The following RGSL1 variants were observed in gnomAD, a reference collection of about 807,000 sequenced individuals.
RGSL1 encodes the protein regulator of G protein signaling like 1.
RGSL1 carries 97 observed loss-of-function variants against 124.7 expected under a neutral mutation model. The ratio of observed to expected loss-of-function variants is 0.78; its 90% CI spans 0.66 to 0.92. RGSL1 has a LOEUF of 0.92. Among genes scored for constraint, RGSL1 ranks in the 40% least tolerant of loss-of-function variants. The probability of loss-of-function intolerance (pLI) is 0.00; values close to 1 mark genes in which losing one functional copy is unlikely to be tolerated. For missense variants in RGSL1, 1,233 were observed against 1,288.4 expected (o/e 0.96, Z 0.66); for synonymous variants, 424 against 438.1 (o/e 0.97, Z 0.40).
intron 17 of RGSL1, 26 bp from the exon 18 acceptor site, chr1:182,551,074 A>T (rs1475477062): frequency 6.6e-7 from 1 of 1,512,134 alleles, no homozygotes; most frequent in Non-Finnish European, 9.0e-7. Flanking sequence ...GTTCCCTCCT[A>T]TGACCAGAAG....
intron 6 of RGSL1, among the ~76,000 whole-genome samples, chr1:182,477,509 A>T (rs182440361): frequency 4.1e-4 from 63 of 152,272 alleles, no homozygotes; most frequent in African/African-American, 1.5e-3. Flanking sequence ...CCCAGTCCTG[A>T]TGACAGACTC....
At position 182,553,326 on chromosome 1, in the gene RGSL1, A is replaced by G. The variant is rs374350290; in HGVS notation, c.3044-129A>G. On this transcript the variant is annotated intron_variant, in intron 18 of 21. Transcript: ENST00000294854. Reference sequence around the variant, plus strand: ...CTCACATGCAAAGATTTAGATTTAGATAATGTTTTATCATTAACATTTTGT... The same window carrying G: ...CTCACATGCAAAGATTTAGATTTAGGTAATGTTTTATCATTAACATTTTGT... 1.9e-5 allele frequency: 13 copies of G among 685,632 alleles called. No individual in the cohort carries two copies. In the South Asian group the frequency reaches 2.5e-4, roughly 13 times the overall value. 42.5% of individuals were successfully genotyped at this position (685,632 alleles called of 1,614,324 possible). A position where few individuals can be genotyped will look rare whatever the true frequency, so the allele number is the denominator to read the frequency against.
rs367680286 is a variant in RGSL1, at chr1:182,548,813, C to T, written c.2922C>T (p.Tyr974=). The T allele has an allele frequency of 5.2e-4, 804 of 1,551,464 alleles. 2 individuals are homozygous for T. The highest frequency in any genetic ancestry group is 6.8e-4 in the Non-Finnish European group (785 of 1,146,960). The change falls in exon 17 of 22, where the codon TAC becomes TAT. Residue 974 remains tyrosine (Y), a synonymous_variant. Coordinates refer to ENST00000294854, the MANE Select transcript of RGSL1 (RefSeq NM_001137669.2). ...TGTCTGTCTTCCCCGTTGTTATGTA[C>T]TTCTGGAAAAGGTAACTGTTTCTCC... The part of the protein sequence containing the change: ...AIMSVFPVVM[Y]FWKRFCFWKA...
chr1:182,459,979 TG>T (rs950975793), intron 3 of RGSL1, 24 bp from the exon 4 acceptor site: 144 of 1,544,648 alleles, frequency 9.3e-5, no homozygotes, highest in Non-Finnish European at 1.2e-4. Context: ...TTAGCATTTT[TG>T]TTTCTATTTT....
chr1:182,550,990 G>A, intron 17 of RGSL1, 110 bp from the exon 18 acceptor site: 1 of 703,212 alleles, frequency 1.4e-6, no homozygotes, highest in South Asian at 1.7e-5. Flanking sequence ...TTCTCTGTTG[G>A]ACACCCACAT....
At chr1:182,453,546 G>A (rs1461244248) in intron 1 of RGSL1, 1 of 156,908 alleles carries the variant, frequency 6.4e-6, no homozygotes, top group African/African-American at 2.4e-5. Context: ...CTAGCCAGTG[G>A]GGTTGGAGGT....
chr1:182,531,026 A>AG, intron 13 of RGSL1, 116 bp downstream of exon 13: 7 of 1,221,338 alleles, frequency 5.7e-6, no homozygotes, highest in African/African-American at 1.6e-5. Flanking sequence ...ATAAATTACT[A>AG]TACTAGGAAT....
At chr1:182,535,361 G>A (rs549433201) in intron 14 of RGSL1, among the ~76,000 whole-genome samples, 1 of 152,156 alleles carries the variant, frequency 6.6e-6, no homozygotes, top group Admixed American at 6.5e-5. Flanking sequence ...ATTTTCTTAA[G>A]CCAGAGTGTG....
rs546809517 is a variant in RGSL1 at position 182,470,178 on chromosome 1, T to C, written c.302-2218T>C. 5.9e-5 allele frequency among the ~76,000 whole-genome samples: 9 copies of C among 152,238 alleles called. No individual in the cohort carries two copies. In the East Asian group the frequency reaches 1.5e-3, roughly 26 times the overall value. The stretch of plus-strand genomic sequence containing the variant: ...ATGGTAAACGTTATGTTATATGTAC[T>C]CTCCCACAATAAAAATATTGGAAAA... On this transcript the variant is annotated intron_variant, in intron 4 of 21. Coordinates refer to ENST00000294854, the MANE Select transcript of RGSL1 (RefSeq NM_001137669.2).
chr1:182,481,241 A>G (rs10911083), intron 6 of RGSL1, among the ~76,000 whole-genome samples: 24,735 of 152,162 alleles, frequency 0.16, 2,467 homozygotes, highest in Admixed American at 0.26. Flanking sequence ...TCAAATAAAT[A>G]AAATTATAAA....
intron 14 of RGSL1, among the ~76,000 whole-genome samples, chr1:182,533,541 A>G (rs1360106789): frequency 6.6e-6 from 1 of 152,194 alleles, no homozygotes; most frequent in Non-Finnish European, 1.5e-5. Context: ...GCCCTGTGGC[A>G]CCTACAGATT....
chr1:182,523,994 C>A (rs1290903579), intron 10 of RGSL1, among the ~76,000 whole-genome samples: 1 of 152,060 alleles, frequency 6.6e-6, no homozygotes, highest in Non-Finnish European at 1.5e-5. Context: ...TAGGGATAAA[C>A]CCTACTCAAA....
At chr1:182,539,151 C>A (rs545446342) in intron 14 of RGSL1, among the ~76,000 whole-genome samples, 1 of 152,238 alleles carries the variant, frequency 6.6e-6, no homozygotes, top group South Asian at 2.1e-4. Flanking sequence ...CAAATTAGGT[C>A]TCCCCCTCTA....
intron 9 of RGSL1, among the ~76,000 whole-genome samples, chr1:182,502,748 T>G (rs1335966495): frequency 6.6e-6 from 1 of 152,236 alleles, no homozygotes. Context: ...GTTTTTATTT[T>G]CCTTTAGCTG....
intron 1 of RGSL1, among the ~76,000 whole-genome samples, chr1:182,451,765 G>A (rs988669697): frequency 6.7e-6 from 1 of 149,390 alleles, no homozygotes; most frequent in South Asian, 2.2e-4. Flanking sequence ...TATGGTGGCA[G>A]TACGTGTAGG....
At chr1:182,483,756 C>T (rs1294637973) in intron 6 of RGSL1, among the ~76,000 whole-genome samples, 2 of 151,996 alleles carry the variant, frequency 1.3e-5, no homozygotes, top group African/African-American at 2.4e-5. Flanking sequence ...TTGGGGTGCA[C>T]GTTCACTTTA....
chr1:182,504,989 T>G (rs749162683), intron 9 of RGSL1, among the ~76,000 whole-genome samples: 5 of 152,184 alleles, frequency 3.3e-5, no homozygotes, highest in Admixed American at 6.5e-5. Flanking sequence ...GTATATGGAC[T>G]TCCTGATTCT....
chr1:182,494,194 G>A (rs1486987578), intron 9 of RGSL1, among the ~76,000 whole-genome samples: 1 of 152,202 alleles, frequency 6.6e-6, no homozygotes, highest in African/African-American at 2.4e-5. Flanking sequence ...AGAGTGGCAA[G>A]TGAATTGTCC....
In RGSL1 at chr1:182,548,696, G is replaced by A. The variant is rs1400822496; in HGVS notation, c.2809-4G>A. ...CCAGTGACAGGCTCCCACTCTGTGG[G>A]TAGGTGAATGTCCCTGAGTTCCAGA... On this transcript the variant is annotated splice_polypyrimidine_tract_variant and splice_region_variant and intron_variant, in intron 16 of 21. Coordinates refer to ENST00000294854, the MANE Select transcript of RGSL1 (RefSeq NM_001137669.2). 14 of 1,551,458 alleles carry A rather than the reference G, an allele frequency of 9.0e-6. No individual in the cohort carries two copies. Among genetic ancestry groups the A allele is most frequent in the Non-Finnish European group, 1.1e-5 (13 of 1,146,948 alleles).
Sources: gnomAD v4.1 joint callset for allele counts (sites outside exome capture counted in the v4.1 genomes callset) on GRCh38, gnomAD v4.1.1 for gene constraint, MANE v1.5 for transcripts, NCBI Gene and HGNC (gene_info 2026-07-23, HGNC 2026-07-21) for gene names.